CRYBG1: variants seen among roughly 807,000 people sequenced by gnomAD.
The protein encoded by CRYBG1 is crystallin beta-gamma domain containing 1, also known as beta/gamma crystallin domain-containing protein 1.
A neutral mutation model predicts 189.2 loss-of-function variants in CRYBG1; 139 were observed. The observed-to-expected ratio is 0.73, with a 90% CI of 0.64 to 0.85. The LOEUF is 0.85. CRYBG1 is among the 40% of genes least tolerant of loss of function. The pLI is 0.00. For synonymous variants in CRYBG1, 1,023 were observed against 1,017.1 expected, an observed-to-expected ratio of 1.01 and a Z score of -0.11; for missense variants, 2,611 against 2,675.8, an observed-to-expected ratio of 0.98 and a Z score of 0.53.
Position 106,525,304 on chromosome 6 carries a change from T to G in CRYBG1, c.4330T>G (p.Cys1444Gly). Reference protein sequence around the residue: ...IYSEPDVSEKCIEVFSDIQDC... With the variant: ...IYSEPDVSEKGIEVFSDIQDC... The stretch of plus-strand genomic sequence containing the variant: ...TAGTGAACCCGACGTCTCTGAGAAG[T>G]GCATTGAAGTTTTCAGTGACATTCA... Residue 1444 changes from cysteine to glycine, a missense_variant, in exon 6 of 22, where the codon TGC becomes GGC. Physicochemically the swap from Cys to Gly is radical, Grantham distance 159. Around this residue, in one of 3 missense-constraint regions of CRYBG1, gnomAD observed 1,622 missense variants for 1,735.0 expected, o/e 0.93. Transcript: ENST00000633556. 6.2e-7 allele frequency: 1 copy of G among 1,614,174 alleles called. No individual in the cohort carries two copies. The highest frequency in any genetic ancestry group is 8.5e-7 in the Non-Finnish European group (1 of 1,180,010).
intron 1 of CRYBG1, among the ~76,000 whole-genome samples, chr6:106,427,153 G>A (rs1771242358): frequency 6.6e-6 from 1 of 152,068 alleles, no homozygotes; most frequent in Non-Finnish European, 1.5e-5. Flanking sequence ...TTCTAGGTGA[G>A]CTTTCTGGAC....
intron 3 of CRYBG1, among the ~76,000 whole-genome samples, chr6:106,515,797 A>G (rs1773405281): frequency 6.9e-6 from 1 of 145,546 alleles, no homozygotes; most frequent in African/African-American, 2.7e-5. Flanking sequence ...TTATTTATTT[A>G]TTTATTTATT....
chr6:106,474,884 A>C (rs1772303859), intron 2 of CRYBG1, among the ~76,000 whole-genome samples: 1 of 152,230 alleles, frequency 6.6e-6, no homozygotes, highest in African/African-American at 2.4e-5. Context: ...TTGAAATTTT[A>C]AAATATTTAA....
At chr6:106,480,359 A>AT (rs1772420894) in intron 2 of CRYBG1, among the ~76,000 whole-genome samples, 1 of 151,938 alleles carries the variant, frequency 6.6e-6, no homozygotes, top group Admixed American at 6.6e-5. Context: ...AGTTTAGAGG[A>AT]TTTGGATATT....
At chr6:106,380,212 G>T (rs1463879125) in intron 1 of CRYBG1, among the ~76,000 whole-genome samples, 1 of 152,174 alleles carries the variant, frequency 6.6e-6, no homozygotes, top group Non-Finnish European at 1.5e-5. Flanking sequence ...TTCTTAAGTG[G>T]AAATTCAGTA....
At chr6:106,501,838 G>C (rs746495953) in intron 2 of CRYBG1, among the ~76,000 whole-genome samples, 1 of 152,178 alleles carries the variant, frequency 6.6e-6, no homozygotes, top group Non-Finnish European at 1.5e-5. Context: ...TATATTAATT[G>C]GAAAGATAAA....
In CRYBG1 at chr6:106,530,291, G is replaced by T. The variant is rs367967419; in HGVS notation, c.4694G>T (p.Cys1565Phe). 99 of 1,608,092 alleles carry T rather than the reference G, an allele frequency of 6.2e-5. No individual in the cohort carries two copies. Among genetic ancestry groups the T allele is most frequent in the Non-Finnish European group, 8.1e-5 (95 of 1,177,886 alleles). The change falls in exon 8 of 22, where the codon TGT becomes TTT. Residue 1565 changes from cysteine (C) to phenylalanine (F), a missense_variant. Coordinates refer to ENST00000633556, the MANE Select transcript of CRYBG1 (RefSeq NM_001371242.2). Reference sequence around the variant, plus strand: ...GGATTTGGTGTAATGCAGAAGACTTGTTCCATGAAAGTACATTGGGGCACG... The same window carrying T: ...GGATTTGGTGTAATGCAGAAGACTTTTTCCATGAAAGTACATTGGGGCACG... ...MQGFGVMQKT[C>F]SMKVHWGTWL...
intron 1 of CRYBG1, among the ~76,000 whole-genome samples, chr6:106,395,282 T>C (rs1770581290): frequency 6.6e-6 from 1 of 151,626 alleles, no homozygotes. Context: ...TCAGTTTTTA[T>C]ACTTAGGTTT....
intron 1 of CRYBG1, among the ~76,000 whole-genome samples, chr6:106,392,386 T>C (rs1381016650): frequency 6.6e-6 from 1 of 152,130 alleles, no homozygotes; most frequent in Non-Finnish European, 1.5e-5. Flanking sequence ...TGATTTCTCA[T>C]CCTCTTTCTT....
intron 18 of CRYBG1, among the ~76,000 whole-genome samples, chr6:106,560,194 A>T (rs1774672837): frequency 2.0e-5 from 3 of 152,174 alleles, no homozygotes. Context: ...AAAATGATAA[A>T]ATTTTATCCA....
At chr6:106,417,167 AT>A (rs67346531) in intron 1 of CRYBG1, among the ~76,000 whole-genome samples, 3 of 150,800 alleles carry the variant, frequency 2.0e-5, no homozygotes, top group African/African-American at 2.4e-5. Flanking sequence ...ATGCTCAGTT[AT>A]TTTTTTTTAA....
rs191673237 is a variant in CRYBG1 at position 106,376,016 on chromosome 6, A to G, written c.173+14935A>G. ...ATGGTATTTCTCTCTCTCTCTGTCAAAATATCTTATTGCATGTAACATTTT... is the reference window on the plus strand; with the variant it reads ...ATGGTATTTCTCTCTCTCTCTGTCAGAATATCTTATTGCATGTAACATTTT... On this transcript the variant is annotated intron_variant, in intron 1 of 21. Coordinates refer to ENST00000633556, the MANE Select transcript of CRYBG1 (RefSeq NM_001371242.2). 5.4e-4 allele frequency among the ~76,000 whole-genome samples: 83 copies of G among 152,318 alleles called. No individual in the cohort carries two copies. In the East Asian group the frequency reaches 0.013, roughly 23 times the overall value.
At chr6:106,371,560 T>G (rs1391400325) in intron 1 of CRYBG1, among the ~76,000 whole-genome samples, 2 of 152,222 alleles carry the variant, frequency 1.3e-5, no homozygotes, top group African/African-American at 4.8e-5. Context: ...ACCGAACTAT[T>G]CTCTTTTGTA....
At chr6:106,396,969 C>G (rs1260411649) in intron 1 of CRYBG1, among the ~76,000 whole-genome samples, 1 of 152,230 alleles carries the variant, frequency 6.6e-6, no homozygotes, top group African/African-American at 2.4e-5. Context: ...CATGAGCCAC[C>G]ATGCCCAGCC....
intron 2 of CRYBG1, among the ~76,000 whole-genome samples, chr6:106,501,983 G>T (rs1165016692): frequency 6.6e-6 from 1 of 152,154 alleles, no homozygotes; most frequent in Non-Finnish European, 1.5e-5. Context: ...GTGCTGTGTT[G>T]GAGAGGCTTG....
chr6:106,412,823 C>T (rs768103702), intron 1 of CRYBG1, among the ~76,000 whole-genome samples: 6 of 152,046 alleles, frequency 3.9e-5, no homozygotes, highest in East Asian at 1.9e-4. Context: ...TTCTTACCAG[C>T]GGACACCTGA....
chr6:106,368,523 T>C (rs1335117687), intron 1 of CRYBG1, among the ~76,000 whole-genome samples: 2 of 152,172 alleles, frequency 1.3e-5, no homozygotes, highest in African/African-American at 2.4e-5. Context: ...TTAGCAAGAA[T>C]GACCAGCGAA....
chr6:106,494,051 C>T (rs1192404266), intron 2 of CRYBG1, among the ~76,000 whole-genome samples: 1 of 152,130 alleles, frequency 6.6e-6, no homozygotes, highest in Non-Finnish European at 1.5e-5. Flanking sequence ...GATAAATATG[C>T]ATGTGTCAGT....
At chr6:106,413,197 G>C (rs1770961568) in intron 1 of CRYBG1, among the ~76,000 whole-genome samples, 1 of 152,160 alleles carries the variant, frequency 6.6e-6, no homozygotes, top group Non-Finnish European at 1.5e-5. Flanking sequence ...TTACATGTCT[G>C]TGCTTGTGAA....
Sources: gnomAD v4.1 joint callset for allele counts (sites outside exome capture counted in the v4.1 genomes callset) on GRCh38, gnomAD v4.1.1 for gene constraint, gnomAD v4.1.1 regional missense constraint, MANE v1.5 for transcripts, NCBI Gene and HGNC (gene_info 2026-07-23, HGNC 2026-07-21) for gene names.